The following RBFOX1 variants were observed in gnomAD, a reference collection of about 807,000 sequenced individuals.
The protein encoded by RBFOX1 is RNA binding protein fox-1 homolog 1.
A neutral mutation model predicts 57.7 loss-of-function variants in RBFOX1; 8 were observed. The ratio of observed to expected loss-of-function variants is 0.14; its 90% CI spans 0.08 to 0.25. The LOEUF is 0.25. Among genes scored for constraint, RBFOX1 ranks in the 10% least tolerant of loss-of-function variants. RBFOX1 has a pLI of 1.00. For missense variants in RBFOX1, 611 were observed against 548.5 expected (o/e 1.11, Z -1.14); for synonymous variants, 326 against 222.4 (o/e 1.47, Z -4.15).
intron 3 of RBFOX1, among the ~76,000 whole-genome samples, chr16:5,794,095 C>A (rs1007891421): frequency 6.6e-6 from 1 of 152,136 alleles, no homozygotes; most frequent in Non-Finnish European, 1.5e-5. Flanking sequence ...CATTTAATTC[C>A]AGTACATCTG....
intron 2 of RBFOX1, among the ~76,000 whole-genome samples, chr16:5,578,728 C>T (rs1316688081): frequency 6.6e-6 from 1 of 151,930 alleles, no homozygotes; most frequent in Non-Finnish European, 1.5e-5. Context: ...CAGTAATGAA[C>T]CATGGAGGGA....
At chr16:7,509,558 A>G (rs923364319) in intron 4 of RBFOX1, among the ~76,000 whole-genome samples, 1 of 152,164 alleles carries the variant, frequency 6.6e-6, no homozygotes, top group Non-Finnish European at 1.5e-5. Context: ...GGAGTATCAC[A>G]ATAACTTGTC....
intron 3 of RBFOX1, among the ~76,000 whole-genome samples, chr16:7,013,060 C>T (rs1292931236): frequency 6.6e-6 from 1 of 152,014 alleles, no homozygotes; most frequent in African/African-American, 2.4e-5. Context: ...GGCAGTAATC[C>T]CCTTATGAGG....
intron 4 of RBFOX1, among the ~76,000 whole-genome samples, chr16:7,364,973 A>C (rs141757157): frequency 6.6e-6 from 1 of 152,176 alleles, no homozygotes; most frequent in Admixed American, 6.5e-5. Context: ...TGAGACCTAC[A>C]ATGATCAGAT....
At chr16:7,595,466 T>C (rs2094637991) in intron 7 of RBFOX1, 83 bp from the exon 8 acceptor site, 1 of 1,101,566 alleles carries the variant, frequency 9.1e-7, no homozygotes, top group East Asian at 2.7e-5. Context: ...GAAATAGAAA[T>C]TAAAGCGAGA....
At chr16:6,701,731 A>T (rs1026147473) in intron 3 of RBFOX1, among the ~76,000 whole-genome samples, 8 of 152,210 alleles carry the variant, frequency 5.3e-5, no homozygotes, top group Admixed American at 2.0e-4. Context: ...ACTGGATTTT[A>T]AAAATGTGGC....
chr16:5,666,053 T>C (rs1370662034), intron 3 of RBFOX1, among the ~76,000 whole-genome samples: 1 of 152,194 alleles, frequency 6.6e-6, no homozygotes, highest in African/African-American at 2.4e-5. Flanking sequence ...CTTTCAGACA[T>C]GTCAGCTTCT....
intron 4 of RBFOX1, among the ~76,000 whole-genome samples, chr16:7,278,790 A>G (rs914337053): frequency 6.6e-6 from 1 of 152,258 alleles, no homozygotes; most frequent in African/African-American, 2.4e-5. Flanking sequence ...CCTGATATGT[A>G]CACTGATATT....
intron 3 of RBFOX1, among the ~76,000 whole-genome samples, chr16:6,885,142 C>G (rs961732553): frequency 6.6e-6 from 1 of 152,186 alleles, no homozygotes; most frequent in Non-Finnish European, 1.5e-5. Flanking sequence ...CAAGCTCTGA[C>G]TGGACCGCCT....
intron 3 of RBFOX1, among the ~76,000 whole-genome samples, chr16:5,829,708 T>G (rs2056197786): frequency 6.6e-6 from 1 of 152,178 alleles, no homozygotes; most frequent in South Asian, 2.1e-4. Context: ...GCATTGCTAA[T>G]GCTGTAAATC....
At chr16:6,627,817 A>G (rs2098330544) in intron 2 of RBFOX1, among the ~76,000 whole-genome samples, 1 of 152,130 alleles carries the variant, frequency 6.6e-6, no homozygotes. Context: ...CAAGGAAGAG[A>G]GAAGGTTTGA....
At chr16:5,452,564 C>G (rs77426503) in intron 1 of RBFOX1, among the ~76,000 whole-genome samples, 1 of 152,144 alleles carries the variant, frequency 6.6e-6, no homozygotes, top group Non-Finnish European at 1.5e-5. Context: ...ATTTGTTCCT[C>G]TGCCTTTCAC....
intron 2 of RBFOX1, among the ~76,000 whole-genome samples, chr16:6,614,912 A>T (rs1685235219): frequency 6.6e-6 from 1 of 152,236 alleles, no homozygotes. Context: ...ATCCGGGGTT[A>T]GGACTTCACC....
At chr16:6,733,193 G>A (rs1347566290) in intron 3 of RBFOX1, among the ~76,000 whole-genome samples, 1 of 152,180 alleles carries the variant, frequency 6.6e-6, no homozygotes, top group Non-Finnish European at 1.5e-5. Flanking sequence ...ATTAGAAAGT[G>A]CTTCTTCACT....
chr16:7,195,059 T>TA (rs2086358479), intron 4 of RBFOX1, among the ~76,000 whole-genome samples: 2 of 152,188 alleles, frequency 1.3e-5, no homozygotes, highest in Admixed American at 1.3e-4. Flanking sequence ...AACAAAACTT[T>TA]AAAAAATTAT....
intron 11 of RBFOX1, among the ~76,000 whole-genome samples, chr16:7,633,507 A>AG (rs766601878): frequency 6.6e-6 from 1 of 152,098 alleles, no homozygotes; most frequent in Non-Finnish European, 1.5e-5. Flanking sequence ...GGTTCATAGC[A>AG]ATTTTTTTTC....
intron 3 of RBFOX1, among the ~76,000 whole-genome samples, chr16:5,825,000 T>C (rs2055984801): frequency 6.6e-6 from 1 of 152,078 alleles, no homozygotes; most frequent in Middle Eastern, 3.2e-3. Flanking sequence ...AATTAAGAGG[T>C]CCCCATTGTG....
chr16:7,032,769 T>G (rs2043146506), intron 3 of RBFOX1, among the ~76,000 whole-genome samples: 1 of 152,154 alleles, frequency 6.6e-6, no homozygotes, highest in Admixed American at 6.5e-5. Flanking sequence ...CCTTTTACCC[T>G]CTATGAGACA....
intron 3 of RBFOX1, among the ~76,000 whole-genome samples, chr16:6,702,120 G>A (rs756860128): frequency 6.6e-5 from 10 of 152,110 alleles, no homozygotes; most frequent in Non-Finnish European, 1.0e-4. Flanking sequence ...ATTAGACCTC[G>A]TGGTAAATCA....
Sources: allele counts gnomAD v4.1 joint callset (sites outside exome capture counted in the v4.1 genomes callset), GRCh38; gene constraint gnomAD v4.1.1; transcripts MANE v1.5; gene names NCBI Gene and HGNC (gene_info 2026-07-23, HGNC 2026-07-21).